Variants in HECTD4 observed in about 807,000 individuals in gnomAD.
HECTD4 encodes the protein HECT domain E3 ubiquitin protein ligase 4, also known as probable E3 ubiquitin-protein ligase HECTD4.
HECTD4 carries 114 observed loss-of-function variants against 471.5 expected under a neutral mutation model. The observed-to-expected ratio is 0.24, with a 90% CI of 0.21 to 0.28. HECTD4 has a LOEUF of 0.28. HECTD4 is among the 10% of genes least tolerant of loss of function. HECTD4 has a pLI of 1.00. For synonymous variants in HECTD4, 2,012 were observed against 2,256.0 expected (o/e 0.89, Z 3.07); for missense variants, 3,866 against 5,651.5 (o/e 0.68, Z 10.13).
intron 7 of HECTD4, chr12:112,302,656 T>C: frequency 1.7e-6 from 1 of 581,968 alleles, no homozygotes; most frequent in Non-Finnish European, 3.0e-6. Flanking sequence ...CTTGGCCTTC[T>C]TTCCTTTCAG....
At chr12:112,283,022 T>C (rs1162513885) in intron 8 of HECTD4, 88 bp downstream of exon 8, 2 of 1,042,102 alleles carry the variant, frequency 1.9e-6, no homozygotes, top group Admixed American at 5.5e-5. Flanking sequence ...AGGAAAGGGC[T>C]TTGTACAGCA....
chr12:112,190,995 T>C (rs376230230), intron 59 of HECTD4, 30 bp from the exon 60 acceptor site: 29 of 1,526,018 alleles, frequency 1.9e-5, no homozygotes, highest in East Asian at 1.7e-4. Context: ...AGAAAGCAGA[T>C]GATTGGCAGC....
At chr12:112,256,881 T>C (rs2034025540) in intron 20 of HECTD4, 1 of 157,822 alleles carries the variant, frequency 6.3e-6, no homozygotes, top group Admixed American at 6.5e-5. Flanking sequence ...AAAGATACTG[T>C]AAAGGATCTT....
At chr12:112,218,927 T>C (rs2033008964) in intron 45 of HECTD4, among the ~76,000 whole-genome samples, 2 of 152,096 alleles carry the variant, frequency 1.3e-5, no homozygotes. Flanking sequence ...TAGAGATGGG[T>C]TTCAACATGT....
rs1473123234 is a variant in HECTD4, at chr12:112,219,453, C to T, written c.7007G>A (p.Arg2336Gln). 13 of 1,613,760 alleles carry T rather than the reference C, an allele frequency of 8.1e-6. No homozygotes were observed. Among genetic ancestry groups the T allele is most frequent in the East Asian group, 6.7e-5 (3 of 44,894 alleles). The change falls in exon 45 of 76, where the codon CGG (arginine) becomes CAG (glutamine). Residue 2336 changes from arginine to glutamine, a missense_variant. By Grantham distance (43) the Arg-to-Gln change is conservative (BLOSUM62 1). Around this residue, in one of 16 missense-constraint regions of HECTD4, gnomAD observed 617 missense variants for 915.1 expected, o/e 0.67. Coordinates refer to ENST00000682272, the MANE Select transcript of HECTD4 (RefSeq NM_001388303.1). ...ACAGTCCCGGTAGAGCATCCTCAGC[C>T]GTTCACACTGTACCTCCACAACTGC... Reference protein sequence around the residue: ...RLAVVEVQCERLRMLYRDCAR... With the variant: ...RLAVVEVQCEQLRMLYRDCAR...
intron 1 of HECTD4, among the ~76,000 whole-genome samples, chr12:112,361,744 C>T (rs2036453892): frequency 6.6e-6 from 1 of 152,112 alleles, no homozygotes; most frequent in African/African-American, 2.4e-5. Flanking sequence ...ATTTTAAAGT[C>T]CCAGGTTATT....
At chr12:112,334,248 T>C (rs977946897) in intron 1 of HECTD4, among the ~76,000 whole-genome samples, 1 of 143,106 alleles carries the variant, frequency 7.0e-6, no homozygotes, top group Admixed American at 7.1e-5. Context: ...AATAAATAAA[T>C]AAAGTGGGAG....
At chr12:112,224,807 A>G (rs2033190255) in intron 44 of HECTD4, among the ~76,000 whole-genome samples, 1 of 152,218 alleles carries the variant, frequency 6.6e-6, no homozygotes, top group African/African-American at 2.4e-5. Context: ...ATCAATGTAA[A>G]TTTCACAATT....
intron 1 of HECTD4, among the ~76,000 whole-genome samples, chr12:112,346,005 T>C (rs2036142691): frequency 6.6e-6 from 1 of 152,202 alleles, no homozygotes; most frequent in Non-Finnish European, 1.5e-5. Context: ...GAGAAACATT[T>C]ACCAAATGTT....
chr12:112,364,188 T>C (rs1338994125), intron 1 of HECTD4, among the ~76,000 whole-genome samples: 1 of 151,270 alleles, frequency 6.6e-6, no homozygotes, highest in Admixed American at 6.6e-5. Flanking sequence ...GTGAATCACC[T>C]GAGGTCAGGA....
chr12:112,240,885 C>G (rs565813777), intron 32 of HECTD4, among the ~76,000 whole-genome samples: 38 of 152,286 alleles, frequency 2.5e-4, no homozygotes, highest in African/African-American at 9.1e-4. Flanking sequence ...ATGCAAAACA[C>G]AACATAGGGC....
intron 7 of HECTD4, among the ~76,000 whole-genome samples, chr12:112,295,501 ATTT>A (rs542721726): frequency 3.0e-5 from 4 of 132,988 alleles, no homozygotes; most frequent in Non-Finnish European, 3.3e-5. Context: ...GCTAATATTA[ATTT>A]TTTTTTTTTT....
chr12:112,273,205 C>G (rs563531458), intron 11 of HECTD4, among the ~76,000 whole-genome samples: 1 of 152,056 alleles, frequency 6.6e-6, no homozygotes, highest in Admixed American at 6.6e-5. Flanking sequence ...GACTTTAAAG[C>G]CAAAAGATTT....
chr12:112,179,928 G>A lies in HECTD4; in HGVS notation c.10988-531C>T, dbSNP rs2031604641. Among the ~76,000 whole-genome samples the A allele has an allele frequency of 6.6e-6, 1 of 152,190 alleles. No homozygotes were observed. The highest frequency in any genetic ancestry group is 1.5e-5 in the Non-Finnish European group (1 of 68,026). On this transcript the variant is annotated intron_variant, in intron 62 of 75. Coordinates refer to ENST00000682272, the MANE Select transcript of HECTD4 (RefSeq NM_001388303.1). This position sits in a 1 kb window ranked among gnomAD's most constrained non-coding sequence, Gnocchi z 4.3. ...TTCAAAACTGGCGCAATGAGCAGGT[G>A]AAAAAGAGTTTTCTGAGATACAAAA...
At position 112,365,483 on chromosome 12, in the gene HECTD4, T is replaced by C. The variant is rs1037589639; in HGVS notation, c.177+16469A>G. Among the ~76,000 whole-genome samples the C allele has an allele frequency of 2.6e-5, 4 of 152,212 alleles. No individual in the cohort carries two copies. The South Asian group carries it at 6.2e-4, about 24-fold the overall frequency. ...GCATGAAGCCTTCACAAATCTGATG[T>C]GTATTATACTTTCAGCACATTTCAC... On this transcript the variant is annotated intron_variant, in intron 1 of 75. Transcript: ENST00000682272.
intron 60 of HECTD4, among the ~76,000 whole-genome samples, chr12:112,187,093 C>T (rs2031896399): frequency 6.6e-6 from 1 of 152,190 alleles, no homozygotes; most frequent in Admixed American, 6.5e-5. Flanking sequence ...AATTCTCCTG[C>T]CTCAGCCTCC....
chr12:112,283,554 C>T (rs1404020223), intron 7 of HECTD4, among the ~76,000 whole-genome samples: 1 of 152,160 alleles, frequency 6.6e-6, no homozygotes, highest in African/African-American at 2.4e-5. Context: ...GATTAAAATT[C>T]CTTACACTGG....
intron 52 of HECTD4, among the ~76,000 whole-genome samples, chr12:112,206,546 T>G (rs1048205310): frequency 5.4e-5 from 8 of 149,024 alleles, no homozygotes; most frequent in African/African-American, 1.5e-4. Flanking sequence ...TTTTTTTTTT[T>G]TTTTTTTTGA....
rs997464875 is a variant in HECTD4, at chr12:112,173,142, G to A, written c.11595-281C>T. Reference sequence around the variant, plus strand: ...CACTCCTGTGTGTCGGCAGCAGCACGTGAGGGTGAAGGAGGAGCTCCTAAT... The same window carrying A: ...CACTCCTGTGTGTCGGCAGCAGCACATGAGGGTGAAGGAGGAGCTCCTAAT... On this transcript the variant is annotated intron_variant, in intron 66 of 75. Transcript: ENST00000682272. The surrounding 1 kb of genome is among the most constrained non-coding windows in gnomAD (Gnocchi z 4.3). 6.6e-6 allele frequency among the ~76,000 whole-genome samples: 1 copy of A among 152,174 alleles called. No individual in the cohort carries two copies. Among genetic ancestry groups the A allele is most frequent in the Non-Finnish European group, 1.5e-5 (1 of 68,032 alleles).
Sources: gnomAD v4.1 joint callset for allele counts (sites outside exome capture counted in the v4.1 genomes callset) on GRCh38, gnomAD v4.1.1 for gene constraint, gnomAD v4.1.1 regional missense constraint, Gnocchi (gnomAD v3.1) non-coding constraint, MANE v1.5 for transcripts, NCBI Gene and HGNC (gene_info 2026-07-23, HGNC 2026-07-21) for gene names.